Variants in AHCYL2 observed in about 807,000 individuals in gnomAD.
AHCYL2 encodes S-adenosylhomocysteine hydrolase-like protein 2.
In AHCYL2, 28 loss-of-function variants were observed where a neutral mutation model predicts 81.4. That is an observed-to-expected ratio of 0.34 (90% CI 0.25 to 0.47). The LOEUF (loss-of-function observed/expected upper bound fraction) is 0.47. Among genes scored for constraint, AHCYL2 ranks in the 20% least tolerant of loss-of-function variants. The probability of loss-of-function intolerance (pLI) is 1.00; values close to 1 mark genes in which losing one functional copy is unlikely to be tolerated. For synonymous variants in AHCYL2, 272 were observed against 290.2 expected (o/e 0.94, Z 0.64); for missense variants, 551 against 785.1 (o/e 0.70, Z 3.56).
intron 1 of AHCYL2, among the ~76,000 whole-genome samples, chr7:129,358,324 G>A (rs950572740): frequency 6.6e-5 from 10 of 151,940 alleles, no homozygotes; most frequent in Non-Finnish European, 1.0e-4. Flanking sequence ...CCCGGGAGGC[G>A]GGGCTTCCTG....
chr7:129,301,021 G>A (rs1410493906), intron 1 of AHCYL2, among the ~76,000 whole-genome samples: 4 of 152,126 alleles, frequency 2.6e-5, no homozygotes, highest in South Asian at 2.1e-4. Context: ...GTTTCACCAT[G>A]TTGGCCAGGC....
intron 1 of AHCYL2, among the ~76,000 whole-genome samples, chr7:129,250,697 T>G (rs1442920601): frequency 6.6e-6 from 1 of 152,194 alleles, no homozygotes; most frequent in Non-Finnish European, 1.5e-5. Context: ...TAATATATCC[T>G]TTATAATGTC....
At chr7:129,264,020 A>T (rs1284787554) in intron 1 of AHCYL2, among the ~76,000 whole-genome samples, 4 of 151,956 alleles carry the variant, frequency 2.6e-5, no homozygotes, top group Admixed American at 2.6e-4. Context: ...ATTTTATTTT[A>T]TTTTATTTTT....
chr7:129,242,867 A>G (rs994712478), intron 1 of AHCYL2, among the ~76,000 whole-genome samples: 4 of 152,122 alleles, frequency 2.6e-5, no homozygotes. Flanking sequence ...GTCAGGTAGT[A>G]TCTCTGTTGT....
intron 13 of AHCYL2, chr7:129,424,635 A>G (rs1411888707): frequency 3.5e-6 from 2 of 571,624 alleles, no homozygotes; most frequent in Non-Finnish European, 6.2e-6. Context: ...GACCATCTGT[A>G]TTCCTTTTTA....
rs138118706 is a variant in AHCYL2, at chr7:129,284,285, G to C, written c.363+58846G>C. Among the ~76,000 whole-genome samples, 4 of 152,240 alleles carry C rather than the reference G, an allele frequency of 2.6e-5. No homozygotes were observed. The East Asian group carries it at 7.7e-4, about 29-fold the overall frequency. On this transcript the variant is annotated intron_variant, in intron 1 of 16. Transcript: ENST00000325006. ...CGTGAGGAATAGGAAAATTTCACCT[G>C]TAGGTGGGATGGAAAAAGCTTGGAA...
At chr7:129,282,347 T>C (rs1210904200) in intron 1 of AHCYL2, among the ~76,000 whole-genome samples, 3 of 152,136 alleles carry the variant, frequency 2.0e-5, no homozygotes, top group Non-Finnish European at 4.4e-5. Context: ...CTGGGAACTC[T>C]AGTTACATGT....
At chr7:129,421,176 C>G (rs1374566286) in intron 12 of AHCYL2, among the ~76,000 whole-genome samples, 1 of 151,224 alleles carries the variant, frequency 6.6e-6, no homozygotes, top group African/African-American at 2.4e-5. Flanking sequence ...CGCTTGAACC[C>G]AGGAGGCAGA....
intron 1 of AHCYL2, among the ~76,000 whole-genome samples, chr7:129,269,504 G>C (rs1408454832): frequency 6.6e-6 from 1 of 152,002 alleles, no homozygotes; most frequent in Non-Finnish European, 1.5e-5. Flanking sequence ...AACCAGGCTG[G>C]TCTTGAACTC....
At chr7:129,235,441 G>C (rs987648178) in intron 1 of AHCYL2, among the ~76,000 whole-genome samples, 1 of 151,256 alleles carries the variant, frequency 6.6e-6, no homozygotes, top group Non-Finnish European at 1.5e-5. Flanking sequence ...TCTTTCTCTT[G>C]AGACAGGGTC....
At chr7:129,265,020 T>C (rs1168177875) in intron 1 of AHCYL2, among the ~76,000 whole-genome samples, 1 of 152,238 alleles carries the variant, frequency 6.6e-6, no homozygotes. Context: ...GTAAGTTATA[T>C]ACATGATTTA....
intron 1 of AHCYL2, among the ~76,000 whole-genome samples, chr7:129,240,175 A>G (rs1219698653): frequency 6.6e-6 from 1 of 151,936 alleles, no homozygotes; most frequent in African/African-American, 2.4e-5. Flanking sequence ...AGATCGCGCC[A>G]TTGCACTCCA....
chr7:129,230,240 AC>A (rs1794379404), intron 1 of AHCYL2, among the ~76,000 whole-genome samples: 2 of 150,498 alleles, frequency 1.3e-5, no homozygotes, highest in South Asian at 4.2e-4. Flanking sequence ...GTGCCACCAC[AC>A]CCGGCTGATT....
chr7:129,246,497 T>C (rs907934059), intron 1 of AHCYL2, among the ~76,000 whole-genome samples: 4 of 152,214 alleles, frequency 2.6e-5, no homozygotes, highest in Admixed American at 6.5e-5. Context: ...GCTTTCTTTC[T>C]GTTTATTTTT....
At chr7:129,379,349 A>G (rs539772224) in intron 1 of AHCYL2, among the ~76,000 whole-genome samples, 20 of 152,060 alleles carry the variant, frequency 1.3e-4, no homozygotes, top group African/African-American at 4.6e-4. Flanking sequence ...AGAATGAGAC[A>G]TTGCCAGACA....
rs1793907567 is a variant in AHCYL2, at chr7:129,360,790, G to C, written c.364-18848G>C. The stretch of plus-strand genomic sequence containing the variant: ...AAGGTAAGGGAATGTAGAGCACCAA[G>C]GCTCCAGAGATAGGCAGAGACCAAG... On this transcript the variant is annotated intron_variant, in intron 1 of 16. Transcript: ENST00000325006. 2.0e-5 allele frequency among the ~76,000 whole-genome samples: 3 copies of C among 152,150 alleles called. No homozygotes were observed. In the South Asian group the frequency reaches 6.2e-4, roughly 32 times the overall value.
At chr7:129,286,018 C>T (rs1330968710) in intron 1 of AHCYL2, among the ~76,000 whole-genome samples, 5 of 151,890 alleles carry the variant, frequency 3.3e-5, no homozygotes, top group Admixed American at 2.0e-4. Context: ...GGCCTAAATC[C>T]TCTATTTAAA....
intron 1 of AHCYL2, among the ~76,000 whole-genome samples, chr7:129,270,062 T>C (rs1795953681): frequency 1.3e-5 from 2 of 152,204 alleles, no homozygotes; most frequent in Admixed American, 1.3e-4. Context: ...TTTTACAGTG[T>C]TTGGTAGAAG....
At chr7:129,410,066 A>G (rs1796493704) in intron 11 of AHCYL2, 3 of 1,241,634 alleles carry the variant, frequency 2.4e-6, no homozygotes, top group African/African-American at 1.5e-5. Context: ...TACTTCTGCC[A>G]TCATTTTATT....
Sources: gnomAD v4.1 joint callset for allele counts (sites outside exome capture counted in the v4.1 genomes callset) on GRCh38, gnomAD v4.1.1 for gene constraint, MANE v1.5 for transcripts, NCBI Gene and HGNC (gene_info 2026-07-23, HGNC 2026-07-21) for gene names.